GNA14: variants seen among roughly 807,000 people sequenced by gnomAD.
GNA14 encodes the protein G protein subunit alpha 14, also known as guanine nucleotide-binding protein subunit alpha-14.
Under a neutral mutation model 42.0 loss-of-function variants are expected in GNA14, and 50 were observed. The ratio of observed to expected loss-of-function variants is 1.19; its 90% CI spans 0.95 to 1.51. The LOEUF is 1.51. Ranked by LOEUF, GNA14 falls within the 40% of genes most tolerant of loss-of-function variation. GNA14 has a pLI of 0.00. For synonymous variants in GNA14, 173 were observed against 163.1 expected, an observed-to-expected ratio of 1.06 and a Z score of -0.46; for missense variants, 473 against 446.2, an observed-to-expected ratio of 1.06 and a Z score of -0.54.
At chr9:77,490,283 C>T (rs1836742748) in intron 2 of GNA14, among the ~76,000 whole-genome samples, 2 of 152,254 alleles carry the variant, frequency 1.3e-5, no homozygotes, top group African/African-American at 4.8e-5. Context: ...TAAAGACTCT[C>T]CACGTCCCTA....
chr9:77,441,273 A>G (rs1835729324), intron 2 of GNA14, among the ~76,000 whole-genome samples: 1 of 152,082 alleles, frequency 6.6e-6, no homozygotes, highest in Admixed American at 6.5e-5. Flanking sequence ...TTCTCGTGAT[A>G]GTGAGTGAGT....
intron 6 of GNA14, among the ~76,000 whole-genome samples, chr9:77,424,666 C>A (rs1835426680): frequency 6.6e-6 from 1 of 152,064 alleles, no homozygotes; most frequent in Non-Finnish European, 1.5e-5. Flanking sequence ...TTTAAAATGT[C>A]CTCTGGTATC....
chr9:77,602,972 A>T (rs1823591810), intron 1 of GNA14, among the ~76,000 whole-genome samples: 1 of 152,138 alleles, frequency 6.6e-6, no homozygotes, highest in African/African-American at 2.4e-5. Context: ...CCCAACTCAT[A>T]AATGCCCTAG....
At chr9:77,581,006 A>AGG (rs1823216142) in intron 1 of GNA14, among the ~76,000 whole-genome samples, 3 of 68,880 alleles carry the variant, frequency 4.4e-5, no homozygotes, top group Admixed American at 2.3e-4. Flanking sequence ...ATAAAGGCAC[A>AGG]CACACACACA....
chr9:77,600,400 A>G (rs1230631465), intron 1 of GNA14, among the ~76,000 whole-genome samples: 7 of 152,180 alleles, frequency 4.6e-5, no homozygotes, highest in African/African-American at 1.4e-4. Flanking sequence ...AGAGCAATTG[A>G]TTTCTCCTTT....
chr9:77,647,348 G>T (rs1261777777), intron 1 of GNA14, among the ~76,000 whole-genome samples: 1 of 152,198 alleles, frequency 6.6e-6, no homozygotes, highest in Admixed American at 6.5e-5. Flanking sequence ...GGTGTGCTGC[G>T]GGCGGAGGAG....
intron 2 of GNA14, among the ~76,000 whole-genome samples, chr9:77,461,173 C>T (rs1836098046): frequency 4.6e-5 from 7 of 152,196 alleles, no homozygotes. Context: ...CAGGGGGTGG[C>T]ATCCGCGCTG....
Position 77,633,389 on chromosome 9 carries a change from A to C in GNA14, c.124+14281T>G, listed in dbSNP as rs76623271. Among the ~76,000 whole-genome samples, 1,490 of 152,222 alleles carry C rather than the reference A, an allele frequency of 9.8e-3. 28 individuals carry two copies. The highest frequency in any genetic ancestry group is 0.035 in the African/African-American group (1,445 of 41,500). ...ATGAGTCTGGCCCGTTGAAGATTCT[A>C]AAATATGGTTCTGTGGCCAGAACTA... On this transcript the variant is annotated intron_variant, in intron 1 of 6. Coordinates refer to ENST00000341700, the MANE Select transcript of GNA14 (RefSeq NM_004297.4).
chr9:77,615,702 T>TACACACAC lies in GNA14; in HGVS notation c.124+31960_124+31967dup, dbSNP rs59087574. 8.7e-4 allele frequency among the ~76,000 whole-genome samples: 117 copies of TACACACAC among 134,470 alleles called. 1 individual carries two copies. Among genetic ancestry groups the TACACACAC allele is most frequent in the Non-Finnish European group, 1.2e-3 (73 of 60,922 alleles). 88.2% of individuals were successfully genotyped at this position (134,470 alleles called of 152,430 possible). A position where few individuals can be genotyped will look rare whatever the true frequency, so the allele number is the denominator to read the frequency against. ...CCACTGCTGGTGGTTGAAAATGAAA[T>TACACACAC]ACACACACACACACACACACACACA... On this transcript the variant is annotated intron_variant, in intron 1 of 6. Transcript: ENST00000341700.
At chr9:77,581,040 T>C (rs1274537734) in intron 1 of GNA14, among the ~76,000 whole-genome samples, 2 of 136,274 alleles carry the variant, frequency 1.5e-5, no homozygotes, top group Non-Finnish European at 3.1e-5. Flanking sequence ...ACACACACAA[T>C]AGTACCCACC....
intron 2 of GNA14, among the ~76,000 whole-genome samples, chr9:77,462,589 T>C (rs903268973): frequency 2.0e-5 from 3 of 151,814 alleles, no homozygotes; most frequent in Non-Finnish European, 4.4e-5. Flanking sequence ...GGCATGGTGG[T>C]GGGTGCCTGT....
chr9:77,492,137 A>T (rs1836785729), intron 2 of GNA14, among the ~76,000 whole-genome samples: 1 of 152,132 alleles, frequency 6.6e-6, no homozygotes, highest in Admixed American at 6.5e-5. Context: ...ACATACCAAA[A>T]TCTATGTGAT....
chr9:77,626,131 A>C (rs1400856661), intron 1 of GNA14, among the ~76,000 whole-genome samples: 1 of 152,228 alleles, frequency 6.6e-6, no homozygotes, highest in Admixed American at 6.5e-5. Context: ...ACGAAGATCA[A>C]AAGAGACAAA....
intron 1 of GNA14, among the ~76,000 whole-genome samples, chr9:77,574,652 C>T (rs1823103369): frequency 1.3e-5 from 2 of 152,152 alleles, no homozygotes; most frequent in African/African-American, 4.8e-5. Flanking sequence ...CTTTGAGAGG[C>T]TCATTAGGTA....
At chr9:77,635,507 G>C (rs1321392136) in intron 1 of GNA14, among the ~76,000 whole-genome samples, 2 of 151,996 alleles carry the variant, frequency 1.3e-5, no homozygotes, top group East Asian at 1.9e-4. Flanking sequence ...TCAATAACTA[G>C]TTTTGACATA....
At chr9:77,566,912 C>T (rs530945195) in intron 1 of GNA14, among the ~76,000 whole-genome samples, 81 of 152,190 alleles carry the variant, frequency 5.3e-4, no homozygotes, top group Non-Finnish European at 8.5e-4. Flanking sequence ...TCAAATGCTA[C>T]GCTAATTAAA....
At chr9:77,469,714 G>A (rs181906440) in intron 2 of GNA14, among the ~76,000 whole-genome samples, 115 of 152,310 alleles carry the variant, frequency 7.6e-4, no homozygotes, top group African/African-American at 2.5e-3. Context: ...AAGCTCTGCT[G>A]CAGACCAGGT....
At chr9:77,571,903 T>C (rs1220626546) in intron 1 of GNA14, among the ~76,000 whole-genome samples, 1 of 152,204 alleles carries the variant, frequency 6.6e-6, no homozygotes, top group Non-Finnish European at 1.5e-5. Context: ...AATAAACATA[T>C]ATTACTAAAA....
chr9:77,638,393 G>A (rs1383087136), intron 1 of GNA14, among the ~76,000 whole-genome samples: 3 of 152,234 alleles, frequency 2.0e-5, no homozygotes, highest in Non-Finnish European at 4.4e-5. Flanking sequence ...AGTAAATGGT[G>A]CAAGGATAAT....
Sources: gnomAD v4.1 joint callset for allele counts (sites outside exome capture counted in the v4.1 genomes callset) on GRCh38, gnomAD v4.1.1 for gene constraint, MANE v1.5 for transcripts, NCBI Gene and HGNC (gene_info 2026-07-23, HGNC 2026-07-21) for gene names.